Variants in LANCL3 observed in about 807,000 individuals in gnomAD.
The protein encoded by LANCL3 is lanC-like protein 3.
LANCL3 carries 19 observed loss-of-function variants against 26.5 expected under a neutral mutation model. The ratio of observed to expected loss-of-function variants is 0.72; its 90% CI spans 0.50 to 1.05. The LOEUF (loss-of-function observed/expected upper bound fraction) is 1.05, where lower values mean the gene tolerates loss of function less well. Among genes scored for constraint, LANCL3 ranks in the 50% least tolerant of loss-of-function variants. The pLI is 0.00. For missense variants in LANCL3, 318 were observed against 362.7 expected (o/e 0.88, Z 1.00); for synonymous variants, 160 against 166.6 (o/e 0.96, Z 0.30).
chrX:37,574,932 T>TAA (rs1491083489), intron 1 of LANCL3, among the ~76,000 whole-genome samples: 4 of 107,751 alleles, frequency 3.7e-5, no homozygotes, highest in African/African-American at 1.4e-4. Flanking sequence ...TATATATATA[T>TAA]AATTTTTTTT....
chrX:37,678,305 A>G lies in LANCL3; in HGVS notation c.*2492A>G, dbSNP rs1926861883. ...ACATTTTGCTGTAGGAAAGTGTGGC[A>G]TGTTACTTCTTATTTAATTATCCAA... On this transcript the variant is annotated 3_prime_UTR_variant, in exon 5 of 5. Transcript: ENST00000378619. 9.0e-6 allele frequency: 1 copy of G among 110,556 alleles called. No homozygotes were observed. The highest frequency in any genetic ancestry group is 1.9e-5 in the Non-Finnish European group (1 of 52,673). The allele number at this position is 110,556 out of a possible 1,213,427, so 9.1% of individuals were successfully genotyped here. A position where few individuals can be genotyped will look rare whatever the true frequency, so the allele number is the denominator to read the frequency against.
intron 1 of LANCL3, among the ~76,000 whole-genome samples, chrX:37,625,722 T>C (rs1206567556): frequency 1.8e-5 from 2 of 111,219 alleles, no homozygotes; most frequent in Non-Finnish European, 3.8e-5. Context: ...TTTTTTTTTT[T>C]CCTGTTTGAG....
intron 1 of LANCL3, among the ~76,000 whole-genome samples, chrX:37,578,206 C>A (rs1444114024): frequency 8.9e-6 from 1 of 112,322 alleles, no homozygotes; most frequent in East Asian, 2.8e-4. Context: ...GTAGAACATT[C>A]TATCCTGGAA....
Position 37,591,544 on chromosome X carries a change from G to A in LANCL3, c.573+19101G>A, listed in dbSNP as rs1332720318. ...ATATGGAATTGTTGATTAAGGAAGT[G>A]TTCCAAGGAGAAACCAGTATAAGAA... On this transcript the variant is annotated intron_variant, in intron 1 of 4. Coordinates refer to ENST00000378619, the MANE Select transcript of LANCL3 (RefSeq NM_001170331.2). Among the ~76,000 whole-genome samples the A allele has an allele frequency of 6.3e-5, 7 of 111,384 alleles. 1 individual carries two copies. Among genetic ancestry groups the A allele is most frequent in the African/African-American group, 2.3e-4 (7 of 30,630 alleles).
In LANCL3 at chrX:37,571,737, C is replaced by T. The variant is rs1429889120; in HGVS notation, c.-134C>T. 2.0e-6 allele frequency: 1 copy of T among 503,454 alleles called. No homozygotes were observed. Among genetic ancestry groups the T allele is most frequent in the African/African-American group, 2.5e-5 (1 of 40,140 alleles). The allele number at this position is 503,454 out of a possible 1,213,427, so 41.5% of individuals were successfully genotyped here. The stretch of plus-strand genomic sequence containing the variant: ...CCCGCCTCCTCTTGTCACCTCCCGT[C>T]TCATCCTTCTCGCTCCTTCCCCGCC... On this transcript the variant is annotated 5_prime_UTR_variant, in exon 1 of 5. Transcript: ENST00000378619.
At chrX:37,593,512 T>TA (rs1286919745) in intron 1 of LANCL3, among the ~76,000 whole-genome samples, 3 of 112,236 alleles carry the variant, frequency 2.7e-5, no homozygotes, top group Non-Finnish European at 3.8e-5. Flanking sequence ...GATAAGTTGC[T>TA]AAAAAAATAC....
chrX:37,588,891 G>C (rs1401488272), intron 1 of LANCL3, among the ~76,000 whole-genome samples: 1 of 111,743 alleles, frequency 8.9e-6, no homozygotes, highest in Non-Finnish European at 1.9e-5. Context: ...CCATCTGCTG[G>C]CTCCATTGCT....
chrX:37,670,453 A>T, intron 4 of LANCL3, among the ~76,000 whole-genome samples: 1 of 91,119 alleles, frequency 1.1e-5, no homozygotes, highest in Non-Finnish European at 2.0e-5. Context: ...ATGGGCTTGT[A>T]ATAATTTTAT....
Position 37,622,442 on chromosome X carries a change from A to G in LANCL3, c.574-33246A>G, listed in dbSNP as rs782577831. ...TCCCACTCTTAGAGATTCATACTAC[A>G]CTGAGAAATCCTACACTGAAAAAAA... On this transcript the variant is annotated intron_variant, in intron 1 of 4. Coordinates refer to ENST00000378619, the MANE Select transcript of LANCL3 (RefSeq NM_001170331.2). Among the ~76,000 whole-genome samples, 5 of 109,093 alleles carry G rather than the reference A, an allele frequency of 4.6e-5. No individual in the cohort carries two copies. In the East Asian group the frequency reaches 1.4e-3, roughly 31 times the overall value. The allele number at this position is 109,093 out of a possible 115,157, so 94.7% of individuals were successfully genotyped here. A position where few individuals can be genotyped will look rare whatever the true frequency, so the allele number is the denominator to read the frequency against.
chrX:37,583,552 C>G lies in LANCL3; in HGVS notation c.573+11109C>G, dbSNP rs1236917793. On this transcript the variant is annotated intron_variant, in intron 1 of 4. Transcript: ENST00000378619. ...CTTCACATCCCTTGTAAGTTGGACT[C>G]CTAGGTATTTTATTCTCTTTGAAGC... 4.5e-5 allele frequency among the ~76,000 whole-genome samples: 5 copies of G among 111,456 alleles called. No individual in the cohort carries two copies. The East Asian group carries it at 8.4e-4, about 19-fold the overall frequency.
intron 1 of LANCL3, among the ~76,000 whole-genome samples, chrX:37,594,510 T>C (rs1470338926): frequency 9.8e-5 from 11 of 112,054 alleles, no homozygotes; most frequent in African/African-American, 3.2e-4. Context: ...TAACAACAGA[T>C]ACAACCCAAG....
rs147035629 is a variant in LANCL3 at position 37,599,373 on chromosome X, C to G, written c.573+26930C>G. On this transcript the variant is annotated intron_variant, in intron 1 of 4. Transcript: ENST00000378619. ...TTAGTGTTCATCAGAGTCACTTGACCCAGACTGATAAAGCACAAGTTGTTA... is the reference window on the plus strand; with the variant it reads ...TTAGTGTTCATCAGAGTCACTTGACGCAGACTGATAAAGCACAAGTTGTTA... Among the ~76,000 whole-genome samples the G allele has an allele frequency of 1.8e-3, 203 of 111,908 alleles. 1 individual carries two copies. Among genetic ancestry groups the G allele is most frequent in the African/African-American group, 6.1e-3 (187 of 30,813 alleles).
At chrX:37,645,771 A>T (rs1925970299) in intron 1 of LANCL3, among the ~76,000 whole-genome samples, 1 of 112,158 alleles carries the variant, frequency 8.9e-6, no homozygotes, top group Admixed American at 9.5e-5. Flanking sequence ...TTGATGAACC[A>T]GCAGTGTCAG....
chrX:37,572,515 C>G (rs1189323270), intron 1 of LANCL3, 72 bp downstream of exon 1: 8 of 918,184 alleles, frequency 8.7e-6, no homozygotes, highest in South Asian at 2.2e-5. Context: ...CTCCGTGGCT[C>G]GGGCAGCACT....
chrX:37,616,118 A>G (rs1924999145), intron 1 of LANCL3, among the ~76,000 whole-genome samples: 1 of 111,244 alleles, frequency 9.0e-6, no homozygotes, highest in Non-Finnish European at 1.9e-5. Context: ...GGCCCATCAG[A>G]GATCAAAACA....
At chrX:37,623,694 A>G (rs998355944) in intron 1 of LANCL3, among the ~76,000 whole-genome samples, 12 of 112,061 alleles carry the variant, frequency 1.1e-4, no homozygotes, top group Non-Finnish European at 2.1e-4. Flanking sequence ...AAACAAAAAT[A>G]AAAACACATC....
At chrX:37,616,640 T>C (rs1556421708) in intron 1 of LANCL3, among the ~76,000 whole-genome samples, 2 of 111,995 alleles carry the variant, frequency 1.8e-5, no homozygotes, top group African/African-American at 6.5e-5. Context: ...GCTAGGAACT[T>C]GAGGTAACAA....
chrX:37,579,881 A>G lies in LANCL3; in HGVS notation c.573+7438A>G, dbSNP rs147405585. On this transcript the variant is annotated intron_variant, in intron 1 of 4. Transcript: ENST00000378619. The stretch of plus-strand genomic sequence containing the variant: ...CTCCAAAAATGTTCTACCAATTTCT[A>G]TTGTCTCCATCAGCATTTGGGAGTG... Among the ~76,000 whole-genome samples, 882 of 111,498 alleles carry G rather than the reference A, an allele frequency of 7.9e-3. 5 individuals carry two copies. The highest frequency in any genetic ancestry group is 0.027 in the African/African-American group (839 of 30,695).
intron 1 of LANCL3, among the ~76,000 whole-genome samples, chrX:37,630,943 T>A (rs2146754719): frequency 9.0e-6 from 1 of 111,685 alleles, no homozygotes; most frequent in South Asian, 3.8e-4. Flanking sequence ...CCGGCTTTGG[T>A]ATCAGGATGA....
Sources: gnomAD v4.1 joint callset for allele counts (sites outside exome capture counted in the v4.1 genomes callset) on GRCh38, gnomAD v4.1.1 for gene constraint, MANE v1.5 for transcripts, NCBI Gene and HGNC (gene_info 2026-07-23, HGNC 2026-07-21) for gene names.